Variants in NDE1 observed in about 807,000 individuals in gnomAD.
The protein encoded by NDE1 is nuclear distribution protein nudE homolog 1.
NDE1 carries 28 observed loss-of-function variants against 43.4 expected under a neutral mutation model. The ratio of observed to expected loss-of-function variants is 0.65; its 90% CI spans 0.48 to 0.89. The LOEUF (loss-of-function observed/expected upper bound fraction) is 0.89. Ranked by LOEUF, NDE1 falls within the 40% of genes least tolerant of loss-of-function variation. NDE1 has a pLI of 0.00. For missense variants in NDE1, 441 were observed against 434.1 expected (o/e 1.02, Z -0.14); for synonymous variants, 184 against 172.0 (o/e 1.07, Z -0.55).
chr16:15,699,665 C>T (rs1596644080), intron 8 of NDE1: 1 of 1,307,338 alleles, frequency 7.6e-7, no homozygotes, highest in East Asian at 5.1e-5. Flanking sequence ...ACTCTCTGGG[C>T]CCCGGTGCTA....
In NDE1 at chr16:15,667,627, G is replaced by GTTTTTTTTTTTTTTT; in HGVS notation, c.237+192_237+193insTTTTTTTTTTTTTTT. 1.8e-5 allele frequency among the ~76,000 whole-genome samples: 2 copies of GTTTTTTTTTTTTTTT among 113,124 alleles called. 1 individual carries two copies. The highest frequency in any genetic ancestry group is 3.5e-5 in the Non-Finnish European group (2 of 57,706). 74.2% of individuals were successfully genotyped at this position (113,124 alleles called of 152,430 possible). ...GTGCCTCTAGTGGGTGGTGCTTTTT[G>GTTTTTTTTTTTTTTT]TTTTGTTTTTTTTTTTTTTTTGAGA... On this transcript the variant is annotated intron_variant, in intron 3 of 8. Transcript: ENST00000396354.
chr16:15,683,059 C>T (rs1369322271), intron 4 of NDE1, among the ~76,000 whole-genome samples: 1 of 151,782 alleles, frequency 6.6e-6, no homozygotes. Context: ...GTTTCCCAGG[C>T]TGGTCTCAAA....
chr16:15,719,028 T>C, intron 8 of NDE1: 1 of 645,502 alleles, frequency 1.5e-6, no homozygotes, highest in African/African-American at 1.8e-5. Context: ...CTCAGAAGGC[T>C]GAGGCAGGAG....
At chr16:15,647,347 T>C (rs1364137174), upstream of NDE1, among the ~76,000 whole-genome samples, 1 of 152,134 alleles carries the variant, frequency 6.6e-6, no homozygotes, top group Non-Finnish European at 1.5e-5. Flanking sequence ...AGAAGGAGGG[T>C]TTAGGAGTCA....
intron 1 of NDE1, among the ~76,000 whole-genome samples, chr16:15,644,118 A>T (rs1345656266): frequency 1.3e-5 from 2 of 152,262 alleles, no homozygotes; most frequent in Non-Finnish European, 2.9e-5. Context: ...AAAGCAAAGC[A>T]CATATTGTGT....
intron 8 of NDE1, chr16:15,700,040 A>G: frequency 8.5e-7 from 1 of 1,181,004 alleles, no homozygotes; most frequent in South Asian, 1.6e-5. Context: ...CACCGTGTGC[A>G]TTGCAAAGAG....
At chr16:15,689,560 T>C (rs1852714509) in intron 5 of NDE1, among the ~76,000 whole-genome samples, 1 of 152,166 alleles carries the variant, frequency 6.6e-6, no homozygotes, top group Non-Finnish European at 1.5e-5. Context: ...GGACAACATA[T>C]TGTATGTTTC....
At chr16:15,654,982 G>C (rs2036688629) in intron 1 of NDE1, among the ~76,000 whole-genome samples, 1 of 151,900 alleles carries the variant, frequency 6.6e-6, no homozygotes, top group Non-Finnish European at 1.5e-5. Context: ...CTGCCACAGA[G>C]AGTACTGCAA....
intron 8 of NDE1, among the ~76,000 whole-genome samples, chr16:15,709,800 G>A (rs112927071): frequency 0.015 from 2,226 of 152,268 alleles, 36 homozygotes; most frequent in Non-Finnish European, 0.022. Context: ...CTGTCCCTTG[G>A]TTTATGATTA....
intron 8 of NDE1, among the ~76,000 whole-genome samples, chr16:15,697,646 G>C (rs1397124204): frequency 1.3e-5 from 2 of 152,268 alleles, no homozygotes; most frequent in South Asian, 4.1e-4. Flanking sequence ...CCTGGAGGCA[G>C]AGATTGCAGT....
chr16:15,694,459 C>G, intron 7 of NDE1: 1 of 1,358,940 alleles, frequency 7.4e-7, no homozygotes, highest in African/African-American at 1.5e-5. Context: ...GATCCTCTCA[C>G]CTTAGCTTCC....
At chr16:15,649,220 A>G, upstream of NDE1, 1 of 152,212 alleles carries the variant, frequency 6.6e-6, no homozygotes, top group East Asian at 1.9e-4. Context: ...AACAAAATCA[A>G]GATCATTTAA....
chr16:15,699,991 G>A, intron 8 of NDE1: 1 of 1,191,440 alleles, frequency 8.4e-7, no homozygotes, highest in Non-Finnish European at 1.1e-6. Flanking sequence ...CTGTGCTCTG[G>A]GGTTTGTCCC....
chr16:15,691,396 TG>T (rs1479756165), intron 6 of NDE1, 73 bp downstream of exon 6: 12 of 1,520,236 alleles, frequency 7.9e-6, no homozygotes, highest in Non-Finnish European at 1.1e-5. Context: ...GGGTGGGTCC[TG>T]GGGGTGTGAT....
In NDE1 at chr16:15,698,198, G is replaced by A. The variant is rs34592982; in HGVS notation, c.947+1338G>A. On this transcript the variant is annotated intron_variant, in intron 8 of 8. Transcript: ENST00000396354. ...GAAACCAGCCACCCGATGGGACAGT[G>A]CAGATCTGATCTCTAACAGTGTCAT... is the stretch of plus-strand genomic sequence containing the variant. Among the ~76,000 whole-genome samples, 803 of 152,256 alleles carry A rather than the reference G, an allele frequency of 5.3e-3. 12 individuals carry two copies. Among genetic ancestry groups the A allele is most frequent in the South Asian group, 0.025 (122 of 4,822 alleles).
chr16:15,644,918 CTTTTTT>C (rs34053597), intron 1 of NDE1, among the ~76,000 whole-genome samples: 7 of 129,606 alleles, frequency 5.4e-5, no homozygotes, highest in Non-Finnish European at 8.3e-5. Context: ...TTCCTTTTTA[CTTTTTT>C]TTTTTTTTTT....
At chr16:15,689,319 A>G (rs2038609345) in intron 5 of NDE1, among the ~76,000 whole-genome samples, 1 of 152,040 alleles carries the variant, frequency 6.6e-6, no homozygotes, top group African/African-American at 2.4e-5. Context: ...GTGATACCCC[A>G]TCTCTACAAA....
intron 1 of NDE1, among the ~76,000 whole-genome samples, chr16:15,650,828 C>G (rs974866627): frequency 1.3e-5 from 2 of 152,130 alleles, no homozygotes; most frequent in Non-Finnish European, 2.9e-5. Context: ...TTGCCCCTGC[C>G]CTCACACCCA....
chr16:15,662,280 CTTTTTTT>C (rs774915905), intron 1 of NDE1, among the ~76,000 whole-genome samples: 3 of 124,990 alleles, frequency 2.4e-5, no homozygotes, highest in South Asian at 2.6e-4. Flanking sequence ...TTTCTCTTTT[CTTTTTTT>C]TTTTTTTTTT....
Sources: gnomAD v4.1 joint callset for allele counts (sites outside exome capture counted in the v4.1 genomes callset) on GRCh38, gnomAD v4.1.1 for gene constraint, MANE v1.5 for transcripts, NCBI Gene and HGNC (gene_info 2026-07-23, HGNC 2026-07-21) for gene names.